GBE1: variants seen among roughly 807,000 people sequenced by gnomAD.
GBE1 encodes 1,4-alpha-glucan branching enzyme 1.
Under a neutral mutation model 88.8 loss-of-function variants are expected in GBE1, and 70 were observed. The observed-to-expected ratio is 0.79, with a 90% CI of 0.65 to 0.96. GBE1 has a LOEUF of 0.96. GBE1 is among the 40% of genes least tolerant of loss of function. GBE1 has a pLI of 0.00. For synonymous variants in GBE1, 284 were observed against 300.1 expected (o/e 0.95, Z 0.56); for missense variants, 872 against 871.0 (o/e 1.00, Z -0.01).
At chr3:81,620,270 C>T (rs1430503461) in intron 7 of GBE1, among the ~76,000 whole-genome samples, 3 of 151,670 alleles carry the variant, frequency 2.0e-5, no homozygotes, top group Admixed American at 6.6e-5. Flanking sequence ...GCACCCTCCA[C>T]CTCCCGGGTT....
chr3:81,665,535 C>CAAA (rs1244162448), intron 3 of GBE1, among the ~76,000 whole-genome samples: 5 of 90,088 alleles, frequency 5.6e-5, no homozygotes, highest in Non-Finnish European at 9.5e-5. Context: ...GACTCCGTCT[C>CAAA]AAAAAAAAAA....
At chr3:81,557,701 TTTACA>T (rs1342117426) in intron 12 of GBE1, among the ~76,000 whole-genome samples, 1 of 151,984 alleles carries the variant, frequency 6.6e-6, no homozygotes, top group Non-Finnish European at 1.5e-5. Flanking sequence ...ATAGGAGTTA[TTTACA>T]TTAAAGAAAT....
chr3:81,664,739 A>G (rs548807371), intron 3 of GBE1, among the ~76,000 whole-genome samples: 4 of 152,230 alleles, frequency 2.6e-5, no homozygotes, highest in Non-Finnish European at 4.4e-5. Context: ...CACTGTAATT[A>G]CCAGTGCAAA....
chr3:81,563,478 A>G (rs545417373), intron 12 of GBE1, among the ~76,000 whole-genome samples: 26 of 152,164 alleles, frequency 1.7e-4, no homozygotes, highest in African/African-American at 6.0e-4. Flanking sequence ...GGTCTTTGGG[A>G]TCAAATCGAG....
intron 14 of GBE1, among the ~76,000 whole-genome samples, chr3:81,528,374 T>C (rs189649877): frequency 4.6e-5 from 7 of 152,018 alleles, no homozygotes; most frequent in Admixed American, 4.6e-4. Context: ...TAAAGTATAA[T>C]TTTAAAAAAA....
At chr3:81,626,645 G>C (rs764281631) in intron 7 of GBE1, among the ~76,000 whole-genome samples, 2 of 151,566 alleles carry the variant, frequency 1.3e-5, no homozygotes, top group Non-Finnish European at 2.9e-5. Context: ...AAGCACTGGA[G>C]TGGCTAGAGC....
In GBE1 at chr3:81,586,192, T is replaced by G; in HGVS notation, c.1237-2A>C. On this transcript the variant is annotated splice_acceptor_variant, in intron 9 of 15. Transcript: ENST00000429644. LOFTEE classifies it high-confidence loss of function. ...CAGAGCTGGCATTCCTGATACATCC[T>G]ACAACAAAGAACGTCGGTTCATAAT... 1 of 1,585,922 alleles carries G rather than the reference T, an allele frequency of 6.3e-7. No individual in the cohort carries two copies. The highest frequency in any genetic ancestry group is 8.6e-7 in the Non-Finnish European group (1 of 1,163,236).
At chr3:81,757,316 C>G (rs1706616258) in intron 1 of GBE1, among the ~76,000 whole-genome samples, 1 of 152,050 alleles carries the variant, frequency 6.6e-6, no homozygotes, top group Admixed American at 6.5e-5. Flanking sequence ...GGGAAGGAGG[C>G]TGTACAGAAC....
chr3:81,761,178 C>T (rs1025127781), intron 1 of GBE1, among the ~76,000 whole-genome samples, 197 bp downstream of exon 1: 63 of 152,240 alleles, frequency 4.1e-4, no homozygotes, highest in Admixed American at 4.1e-3. Flanking sequence ...CCGCTCCGGG[C>T]ACCAGCGCTG....
intron 3 of GBE1, among the ~76,000 whole-genome samples, chr3:81,652,573 T>C (rs936651587): frequency 2.0e-5 from 3 of 152,206 alleles, no homozygotes; most frequent in Non-Finnish European, 4.4e-5. Context: ...GAGCAAAGCT[T>C]TCTACCAAAT....
chr3:81,585,611 C>T (rs1467135026), intron 10 of GBE1, among the ~76,000 whole-genome samples: 5 of 151,958 alleles, frequency 3.3e-5, no homozygotes, highest in Non-Finnish European at 7.4e-5. Context: ...TTATTCATTC[C>T]TAGTGTCTGA....
At chr3:81,553,698 AAAAC>A (rs1382644301) in intron 12 of GBE1, among the ~76,000 whole-genome samples, 1 of 151,424 alleles carries the variant, frequency 6.6e-6, no homozygotes, top group Non-Finnish European at 1.5e-5. Context: ...GAAAAAAAAA[AAAAC>A]AGACAGAAAG....
intron 1 of GBE1, among the ~76,000 whole-genome samples, chr3:81,755,811 G>A (rs930847166): frequency 4.6e-5 from 7 of 152,006 alleles, no homozygotes; most frequent in African/African-American, 1.4e-4. Flanking sequence ...GGTTACCAGA[G>A]GCTGGGAAGG....
At chr3:81,631,886 GGTCATCTACATTAGGTATTTCTCCAACCT>G (rs1313232468) in intron 7 of GBE1, among the ~76,000 whole-genome samples, 1 of 152,066 alleles carries the variant, frequency 6.6e-6, no homozygotes, top group Non-Finnish European at 1.5e-5. Flanking sequence ...CATGTGCCGT[GGTCATCTACATTAGGTATTTCTCCAACCT>G]GTCATCTACA....
intron 1 of GBE1, 43 bp downstream of exon 1, chr3:81,761,332 C>T (rs553367854): frequency 5.7e-6 from 9 of 1,571,132 alleles, no homozygotes; most frequent in South Asian, 5.7e-5. Context: ...TCCTGGGAGG[C>T]GGGCTGCCTG....
intron 3 of GBE1, among the ~76,000 whole-genome samples, chr3:81,669,953 A>C (rs1025897243): frequency 3.9e-5 from 6 of 152,202 alleles, no homozygotes; most frequent in African/African-American, 1.4e-4. Flanking sequence ...AATATATTTA[A>C]GTAACTCTGA....
rs117741600 is a variant in GBE1, at chr3:81,599,396, A to G, written c.993-5373T>C. Among the ~76,000 whole-genome samples the G allele has an allele frequency of 3.3e-5, 5 of 152,134 alleles. No homozygotes were observed. The East Asian group carries it at 9.7e-4, about 29-fold the overall frequency. ...AAGTGAAGGCTATTAGTCGGATAGG[A>G]TGGAAAAAGACAAGTGTAAAAGAAA... On this transcript the variant is annotated intron_variant, in intron 7 of 15. Coordinates refer to ENST00000429644, the MANE Select transcript of GBE1 (RefSeq NM_000158.4).
chr3:81,500,114 G>A (rs372496719), intron 14 of GBE1, among the ~76,000 whole-genome samples: 4 of 152,102 alleles, frequency 2.6e-5, no homozygotes, highest in African/African-American at 9.7e-5. Flanking sequence ...TTCAACCCTT[G>A]AAAATCTTTG....
chr3:81,749,653 A>G (rs1706468322), intron 1 of GBE1, among the ~76,000 whole-genome samples: 3 of 152,226 alleles, frequency 2.0e-5, no homozygotes, highest in Admixed American at 6.5e-5. Context: ...TGTAGTTTGC[A>G]CCAATGTCAA....
Sources: allele counts gnomAD v4.1 joint callset (sites outside exome capture counted in the v4.1 genomes callset), GRCh38; gene constraint gnomAD v4.1.1; transcripts MANE v1.5; gene names NCBI Gene and HGNC (gene_info 2026-07-23, HGNC 2026-07-21).